AFG1L: variants seen among roughly 807,000 people sequenced by gnomAD.
AFG1L encodes AFG1-like ATPase.
In AFG1L, 53 loss-of-function variants were observed where a neutral mutation model predicts 62.2. The ratio of observed to expected loss-of-function variants is 0.85; its 90% CI spans 0.68 to 1.07. The LOEUF is 1.07. AFG1L is among the 50% of genes least tolerant of loss of function. AFG1L has a pLI of 0.00. For missense variants in AFG1L, 555 were observed against 590.5 expected (o/e 0.94, Z 0.62); for synonymous variants, 228 against 210.3 (o/e 1.08, Z -0.73).
At chr6:108,473,177 T>C (rs1388983854) in intron 8 of AFG1L, among the ~76,000 whole-genome samples, 1 of 152,198 alleles carries the variant, frequency 6.6e-6, no homozygotes, top group Non-Finnish European at 1.5e-5. Context: ...GACACTGTTA[T>C]AACAAAAATA....
At chr6:108,419,538 C>T (rs1215949540) in intron 7 of AFG1L, among the ~76,000 whole-genome samples, 4 of 151,998 alleles carry the variant, frequency 2.6e-5, no homozygotes, top group African/African-American at 7.2e-5. Context: ...AAGAGTTGCC[C>T]ATTTGGAAGG....
chr6:108,508,284 C>A (rs1250902734), intron 10 of AFG1L, among the ~76,000 whole-genome samples: 1 of 152,142 alleles, frequency 6.6e-6, no homozygotes, highest in Non-Finnish European at 1.5e-5. Context: ...GCAGGATTCT[C>A]TTGGAACAGA....
At chr6:108,387,504 C>T (rs985232379) in intron 6 of AFG1L, 1 of 152,242 alleles carries the variant, frequency 6.6e-6, no homozygotes, top group South Asian at 2.1e-4. Flanking sequence ...GTCCCTTGTT[C>T]CTGGGCCATA....
chr6:108,411,745 C>A (rs1481816150), intron 7 of AFG1L, among the ~76,000 whole-genome samples: 3 of 152,170 alleles, frequency 2.0e-5, no homozygotes, highest in African/African-American at 7.2e-5. Context: ...CACACCAAAA[C>A]CCCATCTGTA....
At chr6:108,439,891 G>A (rs1213031996) in intron 7 of AFG1L, among the ~76,000 whole-genome samples, 1 of 151,960 alleles carries the variant, frequency 6.6e-6, no homozygotes, top group Non-Finnish European at 1.5e-5. Context: ...CCCTTAAATT[G>A]TATTCTTAGC....
chr6:108,384,374 G>T (rs1256514882), intron 6 of AFG1L, among the ~76,000 whole-genome samples: 1 of 152,190 alleles, frequency 6.6e-6, no homozygotes, highest in Non-Finnish European at 1.5e-5. Flanking sequence ...CCATGCATAT[G>T]CAGGGCAGAC....
At chr6:108,375,070 A>AT (rs1780187077) in intron 6 of AFG1L, among the ~76,000 whole-genome samples, 1 of 151,972 alleles carries the variant, frequency 6.6e-6, no homozygotes. Flanking sequence ...ATTCGTAGGC[A>AT]TTTTTTGTGT....
intron 7 of AFG1L, among the ~76,000 whole-genome samples, chr6:108,417,111 G>A (rs1770333104): frequency 6.6e-6 from 1 of 151,736 alleles, no homozygotes; most frequent in Admixed American, 6.6e-5. Context: ...GTGCATGCCT[G>A]TGGTCCCAGC....
At chr6:108,445,745 T>G (rs1358133353) in intron 7 of AFG1L, among the ~76,000 whole-genome samples, 1 of 151,930 alleles carries the variant, frequency 6.6e-6, no homozygotes, top group Non-Finnish European at 1.5e-5. Context: ...CACCCTCTTC[T>G]ATGGGTGCAG....
intron 10 of AFG1L, among the ~76,000 whole-genome samples, chr6:108,497,392 C>T (rs1249633254): frequency 2.0e-5 from 3 of 151,996 alleles, no homozygotes; most frequent in Non-Finnish European, 4.4e-5. Flanking sequence ...ATTCTTTGCT[C>T]CATGAATTGT....
At chr6:108,351,028 TTATCTAAACA>T (rs1402118138) in intron 3 of AFG1L, among the ~76,000 whole-genome samples, 1 of 152,198 alleles carries the variant, frequency 6.6e-6, no homozygotes, top group Non-Finnish European at 1.5e-5. Context: ...TGGTATTTGT[TTATCTAAACA>T]TATCTAAACA....
At chr6:108,486,386 C>T (rs900620273) in intron 10 of AFG1L, among the ~76,000 whole-genome samples, 14 of 152,096 alleles carry the variant, frequency 9.2e-5, no homozygotes, top group African/African-American at 3.4e-4. Context: ...TTATTTATTA[C>T]ATTGCCAATT....
chr6:108,356,553 T>C, intron 4 of AFG1L, 137 bp from the exon 5 acceptor site: 2 of 533,804 alleles, frequency 3.7e-6, no homozygotes, highest in Non-Finnish European at 6.3e-6. Context: ...ATTTCAATGA[T>C]CAAATTTGAT....
At chr6:108,375,599 T>G (rs1729722534) in intron 6 of AFG1L, among the ~76,000 whole-genome samples, 1 of 152,236 alleles carries the variant, frequency 6.6e-6, no homozygotes, top group Non-Finnish European at 1.5e-5. Flanking sequence ...GTTTTTGTTT[T>G]TAATTCTGTC....
At chr6:108,349,969 T>C (rs1004011289) in intron 3 of AFG1L, among the ~76,000 whole-genome samples, 1 of 149,750 alleles carries the variant, frequency 6.7e-6, no homozygotes, top group Non-Finnish European at 1.5e-5. Flanking sequence ...ACGCCTATAA[T>C]GCCAGCAACT....
rs770268032 is a variant in AFG1L, at chr6:108,476,891, T to C, written c.917T>C (p.Val306Ala). 2.0e-5 allele frequency: 32 copies of C among 1,613,890 alleles called. No individual in the cohort carries two copies. The highest frequency in any genetic ancestry group is 2.5e-5 in the Non-Finnish European group (29 of 1,179,868). The change falls in exon 9 of 13, where the codon GTC becomes GCC. Residue 306 changes from valine (V) to alanine (A), a missense_variant. Val to Ala is a moderately conservative substitution (Grantham distance 64). Coordinates refer to ENST00000368977, the MANE Select transcript of AFG1L (RefSeq NM_145315.5). Reference protein sequence around the residue: ...YLTSEADVEAVMDKLFDELAQ... With the variant: ...YLTSEADVEAAMDKLFDELAQ... ...ACAAGTGAAGCTGATGTGGAGGCTG[T>C]CATGGATAAGTTGTTTGATGAGCTG... is the stretch of plus-strand genomic sequence containing the variant.
At chr6:108,490,064 A>G (rs1368959777) in intron 10 of AFG1L, among the ~76,000 whole-genome samples, 10 of 152,252 alleles carry the variant, frequency 6.6e-5, no homozygotes, top group Admixed American at 6.5e-4. Context: ...TTTAAAACAT[A>G]GAATTAATTT....
chr6:108,295,704 CAA>C (rs1776743864), intron 1 of AFG1L: 1 of 153,198 alleles, frequency 6.5e-6, no homozygotes, highest in South Asian at 2.0e-4. Context: ...GTGTTCTTTT[CAA>C]GTCACTAGGG....
intron 1 of AFG1L, among the ~76,000 whole-genome samples, chr6:108,315,993 G>A (rs1159105631): frequency 1.3e-5 from 2 of 152,098 alleles, no homozygotes; most frequent in Non-Finnish European, 2.9e-5. Context: ...GCTGCAGTGA[G>A]CCATGATCAT....
Sources: gnomAD v4.1 joint callset for allele counts (sites outside exome capture counted in the v4.1 genomes callset) on GRCh38, gnomAD v4.1.1 for gene constraint, MANE v1.5 for transcripts, NCBI Gene and HGNC (gene_info 2026-07-23, HGNC 2026-07-21) for gene names.